The following SUCLG2 variants were observed in gnomAD, a reference collection of about 807,000 sequenced individuals.
SUCLG2 encodes succinate--CoA ligase [GDP-forming] subunit beta, mitochondrial.
Under a neutral mutation model 47.9 loss-of-function variants are expected in SUCLG2, and 42 were observed. The observed-to-expected ratio is 0.88, with a 90% confidence interval of 0.69 to 1.14. The LOEUF (loss-of-function observed/expected upper bound fraction) is 1.14. Ranked by LOEUF, SUCLG2 falls within the 50% of genes most tolerant of loss-of-function variation. The probability of loss-of-function intolerance (pLI) is 0.00; values close to 1 mark genes in which losing one functional copy is unlikely to be tolerated. For missense variants in SUCLG2, 571 were observed against 525.9 expected (o/e 1.09, Z -0.84); for synonymous variants, 195 against 197.3 (o/e 0.99, Z 0.10).
Position 67,520,714 on chromosome 3 carries a change from G to A in SUCLG2, c.418-80C>T, listed in dbSNP as rs144208223. On this transcript the variant is annotated intron_variant, in intron 4 of 10. Coordinates refer to ENST00000307227, the MANE Select transcript of SUCLG2 (RefSeq NM_003848.4). ...GGAAATCTATACAAACTTGCTACAC[G>A]AATCAAATGGCTTCATTTTCAGGCT... 7.9e-4 allele frequency: 1,167 copies of A among 1,477,620 alleles called. 5 individuals are homozygous for A. In the African/African-American group the frequency reaches 0.014, roughly 17 times the overall value. The allele number at this position is 1,477,620 out of a possible 1,614,324, so 91.5% of individuals were successfully genotyped here. A position where few individuals can be genotyped will look rare whatever the true frequency, so the allele number is the denominator to read the frequency against.
At chr3:67,585,966 C>CAAA (rs67546250) in intron 2 of SUCLG2, among the ~76,000 whole-genome samples, 28 of 59,900 alleles carry the variant, frequency 4.7e-4, no homozygotes, top group East Asian at 1.2e-3. Context: ...GACTCCATTT[C>CAAA]AAAAAAAAAA....
rs543827678 is a variant in SUCLG2 at position 67,601,799 on chromosome 3, T to C, written c.226+7656A>G. On this transcript the variant is annotated intron_variant, in intron 2 of 10. Coordinates refer to ENST00000307227, the MANE Select transcript of SUCLG2 (RefSeq NM_003848.4). ...GAGTTCGAGACCATCCTGGCCAACATGGCGAAACCCCGTGTCTATTAAAAA... is the reference window on the plus strand; with the variant it reads ...GAGTTCGAGACCATCCTGGCCAACACGGCGAAACCCCGTGTCTATTAAAAA... Among the ~76,000 whole-genome samples the C allele has an allele frequency of 1.1e-4, 16 of 152,138 alleles. 1 individual carries two copies. The highest frequency in any genetic ancestry group is 6.5e-4 in the Admixed American group (10 of 15,290).
At chr3:67,379,243 A>G (rs1485059439) in intron 10 of SUCLG2, among the ~76,000 whole-genome samples, 2 of 152,006 alleles carry the variant, frequency 1.3e-5, no homozygotes, top group African/African-American at 2.4e-5. Context: ...ACCGTACCCC[A>G]TGTGTAAATT....
chr3:67,597,830 C>G (rs1708327879), intron 2 of SUCLG2, among the ~76,000 whole-genome samples: 1 of 151,584 alleles, frequency 6.6e-6, no homozygotes, highest in Admixed American at 6.6e-5. Context: ...CCCAGCTACC[C>G]CGGAGGCTGA....
chr3:67,465,500 ACAGCAATTG>A (rs1337217227), intron 9 of SUCLG2, among the ~76,000 whole-genome samples: 1 of 152,102 alleles, frequency 6.6e-6, no homozygotes, highest in African/African-American at 2.4e-5. Context: ...CACCCCATCT[ACAGCAATTG>A]CTGTCTCACT....
chr3:67,573,217 G>T (rs1707662087), intron 2 of SUCLG2, among the ~76,000 whole-genome samples: 1 of 152,134 alleles, frequency 6.6e-6, no homozygotes, highest in South Asian at 2.1e-4. Flanking sequence ...TCAATATTGT[G>T]AAGATGGCCA....
intron 3 of SUCLG2, among the ~76,000 whole-genome samples, chr3:67,528,843 T>A (rs1384438312): frequency 6.6e-6 from 1 of 152,172 alleles, no homozygotes; most frequent in East Asian, 1.9e-4. Flanking sequence ...TTATGATGAA[T>A]CATTGATTGT....
At chr3:67,399,431 C>T (rs1027067679) in intron 10 of SUCLG2, among the ~76,000 whole-genome samples, 69 of 152,270 alleles carry the variant, frequency 4.5e-4, no homozygotes, top group African/African-American at 1.6e-3. Flanking sequence ...AGCTGGCAGA[C>T]ATTTTCTTAA....
chr3:67,574,965 T>G (rs1311864478), intron 2 of SUCLG2, among the ~76,000 whole-genome samples: 2 of 152,208 alleles, frequency 1.3e-5, no homozygotes, highest in Non-Finnish European at 2.9e-5. Context: ...TCAACTGCAT[T>G]AGTCAGTTAG....
At chr3:67,584,114 G>A (rs1230634469) in intron 2 of SUCLG2, among the ~76,000 whole-genome samples, 1 of 152,178 alleles carries the variant, frequency 6.6e-6, no homozygotes. Flanking sequence ...GTTCATAGCA[G>A]CATTAATCGT....
intron 2 of SUCLG2, among the ~76,000 whole-genome samples, chr3:67,608,200 C>T (rs536749225): frequency 2.2e-4 from 34 of 152,272 alleles, no homozygotes; most frequent in African/African-American, 6.3e-4. Context: ...AGAGGGTGCT[C>T]TCCCCATGTT....
At chr3:67,519,836 A>C (rs1180248086) in intron 5 of SUCLG2, among the ~76,000 whole-genome samples, 1 of 152,180 alleles carries the variant, frequency 6.6e-6, no homozygotes, top group African/African-American at 2.4e-5. Flanking sequence ...AATCCTTATA[A>C]TCTCACATGG....
At chr3:67,449,696 C>T (rs1258472182) in intron 9 of SUCLG2, among the ~76,000 whole-genome samples, 5 of 151,394 alleles carry the variant, frequency 3.3e-5, no homozygotes, top group Non-Finnish European at 7.4e-5. Context: ...CTCACTGGAG[C>T]TTCTACCTCC....
At chr3:67,497,661 T>C (rs949658845) in intron 8 of SUCLG2, among the ~76,000 whole-genome samples, 1 of 152,186 alleles carries the variant, frequency 6.6e-6, no homozygotes, top group Non-Finnish European at 1.5e-5. Context: ...GTTCTGCATA[T>C]TAATACTGAG....
chr3:67,533,320 C>T (rs1706451339), intron 2 of SUCLG2, among the ~76,000 whole-genome samples: 1 of 152,122 alleles, frequency 6.6e-6, no homozygotes, highest in Non-Finnish European at 1.5e-5. Flanking sequence ...ATCACTGATA[C>T]TGCAATGAGA....
intron 6 of SUCLG2, among the ~76,000 whole-genome samples, chr3:67,515,584 A>G (rs944094724): frequency 3.3e-5 from 5 of 152,172 alleles, no homozygotes; most frequent in Non-Finnish European, 7.3e-5. Flanking sequence ...TGAGTGAGGT[A>G]CCTCCAAATG....
intron 2 of SUCLG2, among the ~76,000 whole-genome samples, chr3:67,602,751 T>C (rs1708446518): frequency 6.6e-6 from 1 of 152,200 alleles, no homozygotes; most frequent in African/African-American, 2.4e-5. Flanking sequence ...GTGAACATTT[T>C]CTGAATAACA....
At chr3:67,502,557 A>G (rs750026889) in intron 7 of SUCLG2, among the ~76,000 whole-genome samples, 1 of 152,242 alleles carries the variant, frequency 6.6e-6, no homozygotes, top group Non-Finnish European at 1.5e-5. Context: ...CAAAGCGCTT[A>G]GCTTCCTAGA....
At chr3:67,568,601 G>A (rs1381497856) in intron 2 of SUCLG2, among the ~76,000 whole-genome samples, 1 of 152,044 alleles carries the variant, frequency 6.6e-6, no homozygotes, top group African/African-American at 2.4e-5. Context: ...AAAAAATAAA[G>A]AGTGAGCCGG....
Sources: gnomAD v4.1 joint callset for allele counts (sites outside exome capture counted in the v4.1 genomes callset) on GRCh38, gnomAD v4.1.1 for gene constraint, MANE v1.5 for transcripts, NCBI Gene and HGNC (gene_info 2026-07-23, HGNC 2026-07-21) for gene names.